Variants in KIAA0586 observed in about 807,000 individuals in gnomAD.
KIAA0586 encodes the protein protein TALPID3.
Under a neutral mutation model 169.8 loss-of-function variants are expected in KIAA0586, and 144 were observed. That is an observed-to-expected ratio of 0.85 (90% CI 0.74 to 0.97). KIAA0586 has a LOEUF of 0.97. KIAA0586 is among the 50% of genes least tolerant of loss of function. KIAA0586 has a pLI of 0.00. For synonymous variants in KIAA0586, 625 were observed against 612.4 expected, an observed-to-expected ratio of 1.02 and a Z score of -0.30; for missense variants, 1,854 against 1,823.0, an observed-to-expected ratio of 1.02 and a Z score of -0.31.
chr14:58,471,579 T>C (rs1463331620), intron 17 of KIAA0586, among the ~76,000 whole-genome samples: 1 of 152,204 alleles, frequency 6.6e-6, no homozygotes, highest in Non-Finnish European at 1.5e-5. Flanking sequence ...CAATCTTTCA[T>C]GATCATAAGT....
chr14:58,442,911 A>G (rs759177509), intron 5 of KIAA0586, 31 bp downstream of exon 5: 28 of 1,517,038 alleles, frequency 1.8e-5, no homozygotes, highest in Non-Finnish European at 2.2e-5. Context: ...AATCATAACT[A>G]CTTTGTGAAA....
At chr14:58,561,861 A>C in the KIAA0586 span, among the ~76,000 whole-genome samples, 1 of 152,110 alleles carries the variant, frequency 6.6e-6, no homozygotes, top group Admixed American at 6.6e-5. Flanking sequence ...CTGGAGACTA[A>C]ATTAGATGCA....
intron 5 of KIAA0586, among the ~76,000 whole-genome samples, chr14:58,443,713 G>A (rs1019833784): frequency 4.6e-5 from 7 of 152,024 alleles, no homozygotes; most frequent in African/African-American, 7.3e-5. Flanking sequence ...GTGAGCCACC[G>A]CGCCTGGCCA....
At chr14:58,496,744 T>TA (rs768448970) in intron 26 of KIAA0586, among the ~76,000 whole-genome samples, 4 of 151,948 alleles carry the variant, frequency 2.6e-5, no homozygotes, top group Middle Eastern at 3.4e-3. Flanking sequence ...ATAGTCTAGT[T>TA]AAAAAAAACA....
intron 30 of KIAA0586, among the ~76,000 whole-genome samples, chr14:58,544,717 G>C (rs528420045): frequency 6.6e-6 from 1 of 152,052 alleles, no homozygotes; most frequent in Non-Finnish European, 1.5e-5. Context: ...TAATACATTT[G>C]TTTTAAGTTC....
At chr14:58,542,720 C>T (rs182824295) in intron 30 of KIAA0586, among the ~76,000 whole-genome samples, 6 of 152,264 alleles carry the variant, frequency 3.9e-5, no homozygotes, top group Admixed American at 3.9e-4. Context: ...CCACCCTGAG[C>T]CTCATTGCCT....
intron 4 of KIAA0586, chr14:58,442,031 T>G (rs936006242): frequency 6.6e-6 from 1 of 152,354 alleles, no homozygotes; most frequent in African/African-American, 2.4e-5. Flanking sequence ...ATAGTGTTTC[T>G]TGGGTTGTCT....
chr14:58,431,678 G>A (rs750834182), intron 3 of KIAA0586, among the ~76,000 whole-genome samples: 5 of 152,166 alleles, frequency 3.3e-5, no homozygotes, highest in African/African-American at 9.6e-5. Flanking sequence ...TCATTTTAAC[G>A]ATATTGATTT....
intron 11 of KIAA0586, 110 bp downstream of exon 11, chr14:58,458,089 GT>G: frequency 1.4e-6 from 1 of 702,670 alleles, no homozygotes; most frequent in Non-Finnish European, 2.3e-6. Context: ...TTTTTAAAAG[GT>G]TCTTTATTGA....
chr14:58,522,248 T>G (rs1423131371), intron 29 of KIAA0586, among the ~76,000 whole-genome samples: 1 of 152,246 alleles, frequency 6.6e-6, no homozygotes, highest in Admixed American at 6.5e-5. Context: ...TCTTTATGAC[T>G]TAATAAAAAG....
chr14:58,528,265 A>G (rs902440740), intron 29 of KIAA0586, among the ~76,000 whole-genome samples: 1 of 152,162 alleles, frequency 6.6e-6, no homozygotes, highest in Non-Finnish European at 1.5e-5. Context: ...GGAGACTTTA[A>G]CTCCCCACTG....
Position 58,450,648 on chromosome 14 carries a change from G to T in KIAA0586, c.1031G>T (p.Arg344Leu). Residue 344 changes from arginine (R) to leucine (L), a missense_variant, in exon 8 of 31, where the codon CGC becomes CTC. By Grantham distance (102) the Arg-to-Leu change is moderately radical (BLOSUM62 -2). Transcript: ENST00000652326. ...QKSPLETPAP[R>L]RFAPVPVSRD... ...TCTCCTTTGGAGACACCAGCACCTC[G>T]CAGATTTGCTCCTGTACCTGTTTCA... 6.2e-7 allele frequency: 1 copy of T among 1,609,580 alleles called. No individual in the cohort carries two copies. The highest frequency in any genetic ancestry group is 8.5e-7 in the Non-Finnish European group (1 of 1,176,000).
At chr14:58,538,079 C>CCAG (rs2046414129) in intron 29 of KIAA0586, among the ~76,000 whole-genome samples, 1 of 152,016 alleles carries the variant, frequency 6.6e-6, no homozygotes, top group Admixed American at 6.6e-5. Flanking sequence ...TCCCTTGAGC[C>CCAG]CAGAAGGTCG....
rs1489902309 is a variant in KIAA0586, at chr14:58,465,978, A to T, written c.2203A>T (p.Thr735Ser). ...YLFSPSREMP[T>S]FSGTLEGHLI... ...GTTCAGCCCAAGTAGAGAAATGCCT[A>T]CTTTTTCAGGTACATTGGAAGGTCA... The change falls in exon 15 of 31, where the codon ACT becomes TCT. Residue 735 changes from threonine (T) to serine (S), a missense_variant. Physicochemically the swap from Thr to Ser is moderately conservative, Grantham distance 58. Transcript: ENST00000652326. 2 of 1,613,458 alleles carry T rather than the reference A, an allele frequency of 1.2e-6. No individual in the cohort carries two copies. The highest frequency in any genetic ancestry group is 2.7e-5 in the African/African-American group (2 of 75,036).
chr14:58,485,184 A>G (rs2042359139), intron 21 of KIAA0586, among the ~76,000 whole-genome samples: 1 of 150,914 alleles, frequency 6.6e-6, no homozygotes, highest in South Asian at 2.1e-4. Flanking sequence ...AGCCTCCCAA[A>G]GTGCTGGAAT....
intron 29 of KIAA0586, among the ~76,000 whole-genome samples, chr14:58,527,262 C>T (rs980400458): frequency 6.6e-6 from 1 of 152,092 alleles, no homozygotes; most frequent in Admixed American, 6.5e-5. Flanking sequence ...GAGAATGGAA[C>T]CAAGTTGGAA....
At chr14:58,513,006 C>T (rs991809679) in intron 29 of KIAA0586, among the ~76,000 whole-genome samples, 6 of 151,902 alleles carry the variant, frequency 3.9e-5, no homozygotes, top group African/African-American at 1.5e-4. Flanking sequence ...TTATTTAGTG[C>T]GTGGTGGTGC....
At chr14:58,522,703 C>A (rs1365389427) in intron 29 of KIAA0586, among the ~76,000 whole-genome samples, 2 of 152,214 alleles carry the variant, frequency 1.3e-5, no homozygotes, top group African/African-American at 4.8e-5. Flanking sequence ...TAAAACACTG[C>A]ATCTCAGAAA....
intron 28 of KIAA0586, among the ~76,000 whole-genome samples, chr14:58,511,873 A>G (rs138316133): frequency 6.6e-6 from 1 of 152,290 alleles, no homozygotes; most frequent in East Asian, 1.9e-4. Context: ...TCAGGGGCTC[A>G]TTTATAATTA....
Sources: gnomAD v4.1 joint callset for allele counts (sites outside exome capture counted in the v4.1 genomes callset) on GRCh38, gnomAD v4.1.1 for gene constraint, MANE v1.5 for transcripts, NCBI Gene and HGNC (gene_info 2026-07-23, HGNC 2026-07-21) for gene names.